The following LRP1B variants were observed in gnomAD, a reference collection of about 807,000 sequenced individuals.
LRP1B encodes the protein LDL receptor related protein 1B.
LRP1B carries 217 observed loss-of-function variants against 556.6 expected under a neutral mutation model. The observed-to-expected ratio is 0.39, with a 90% CI of 0.35 to 0.44. The LOEUF (loss-of-function observed/expected upper bound fraction) is 0.44. LRP1B is among the 20% of genes least tolerant of loss of function. LRP1B has a pLI of 1.00. For synonymous variants in LRP1B, 2,047 were observed against 1,865.8 expected (o/e 1.10, Z -2.50); for missense variants, 5,053 against 5,620.8 (o/e 0.90, Z 3.23).
intron 86 of LRP1B, among the ~76,000 whole-genome samples, chr2:140,252,387 A>G (rs1032597008): frequency 6.6e-5 from 10 of 151,990 alleles, no homozygotes; most frequent in Non-Finnish European, 1.5e-4. Flanking sequence ...CTTTCATATA[A>G]AAATGTACTC....
intron 41 of LRP1B, among the ~76,000 whole-genome samples, chr2:140,651,713 C>T (rs1035394095): frequency 9.9e-5 from 15 of 151,904 alleles, no homozygotes; most frequent in Non-Finnish European, 1.8e-4. Context: ...AGAATAGTTG[C>T]AGTAGATGAG....
intron 1 of LRP1B, among the ~76,000 whole-genome samples, chr2:142,061,816 T>TA (rs1393895344): frequency 6.6e-6 from 1 of 151,982 alleles, no homozygotes; most frequent in East Asian, 1.9e-4. Context: ...TTTCACCTCT[T>TA]AAAAACATTC....
At chr2:141,813,908 G>C (rs113882140) in intron 1 of LRP1B, among the ~76,000 whole-genome samples, 1 of 152,138 alleles carries the variant, frequency 6.6e-6, no homozygotes, top group Admixed American at 6.5e-5. Context: ...TGTGGGGCTA[G>C]GTTTGGGGTT....
intron 3 of LRP1B, among the ~76,000 whole-genome samples, chr2:141,401,988 A>G (rs1690467838): frequency 6.6e-6 from 1 of 152,130 alleles, no homozygotes; most frequent in African/African-American, 2.4e-5. Flanking sequence ...TTTGTATTTT[A>G]GTTTTTAGGG....
chr2:140,322,233 CA>C (rs1680180703), intron 81 of LRP1B, 145 bp from the exon 82 acceptor site: 1 of 722,364 alleles, frequency 1.4e-6, no homozygotes, highest in Admixed American at 3.1e-5. Context: ...GTATCTCACT[CA>C]ATATCATCAT....
In LRP1B at chr2:141,544,364, C is replaced by CTT. The variant is rs1244194583; in HGVS notation, c.206-63833_206-63832dup. Among the ~76,000 whole-genome samples, 134 of 104,584 alleles carry CTT rather than the reference C, an allele frequency of 1.3e-3. 1 individual carries two copies. Among genetic ancestry groups the CTT allele is most frequent in the Non-Finnish European group, 1.4e-3 (71 of 49,178 alleles). The allele number at this position is 104,584 out of a possible 152,430, so 68.6% of individuals were successfully genotyped here. On this transcript the variant is annotated intron_variant, in intron 2 of 90. Coordinates refer to ENST00000389484, the MANE Select transcript of LRP1B (RefSeq NM_018557.3). ...TCTTCTTCTTCTTCTTCTTCTTCTTCTTCTTCTTCTTCTTCTTCTCCTCCT... is the reference window on the plus strand; with the variant it reads ...TCTTCTTCTTCTTCTTCTTCTTCTTCTTTTCTTCTTCTTCTTCTTCTCCTCCT...
chr2:140,580,938 T>C (rs940472899), intron 43 of LRP1B, among the ~76,000 whole-genome samples: 2 of 152,178 alleles, frequency 1.3e-5, no homozygotes, highest in African/African-American at 4.8e-5. Flanking sequence ...AAATAAAATA[T>C]TGTGAAGCCC....
chr2:141,323,761 G>A (rs1463827953), intron 3 of LRP1B, among the ~76,000 whole-genome samples: 1 of 151,980 alleles, frequency 6.6e-6, no homozygotes, highest in East Asian at 1.9e-4. Flanking sequence ...TTCTGGTCCA[G>A]TGGAGCATTA....
chr2:140,522,493 A>C (rs1690224046), intron 49 of LRP1B, among the ~76,000 whole-genome samples: 1 of 151,936 alleles, frequency 6.6e-6, no homozygotes, highest in Non-Finnish European at 1.5e-5. Context: ...TCAAATAACA[A>C]TCTGACTGCA....
intron 31 of LRP1B, among the ~76,000 whole-genome samples, chr2:140,837,541 A>C (rs6750270): frequency 1.3e-5 from 2 of 151,986 alleles, no homozygotes; most frequent in African/African-American, 4.8e-5. Context: ...AAAATTTTCA[A>C]ATATAATTAC....
At chr2:141,028,676 A>G (rs1698282890) in intron 11 of LRP1B, among the ~76,000 whole-genome samples, 1 of 152,124 alleles carries the variant, frequency 6.6e-6, no homozygotes, top group African/African-American at 2.4e-5. Context: ...AAAAATCATC[A>G]TTCTTTAATG....
intron 2 of LRP1B, among the ~76,000 whole-genome samples, chr2:141,544,773 C>T (rs1481237688): frequency 5.9e-5 from 9 of 151,954 alleles, no homozygotes; most frequent in Admixed American, 3.9e-4. Context: ...TCAAGCAATC[C>T]TCCCACCTCA....
chr2:140,276,060 CTT>C (rs1383032271), intron 84 of LRP1B, among the ~76,000 whole-genome samples: 5 of 151,902 alleles, frequency 3.3e-5, no homozygotes, highest in Admixed American at 1.3e-4. Flanking sequence ...TGATTCCAGA[CTT>C]TGTGTTTAGA....
chr2:140,696,590 C>T (rs1686437570), intron 41 of LRP1B, among the ~76,000 whole-genome samples: 1 of 152,064 alleles, frequency 6.6e-6, no homozygotes, highest in African/African-American at 2.4e-5. Context: ...GAGTACTGGT[C>T]CATGGCTTGT....
At chr2:142,065,951 C>T (rs1290417655) in intron 1 of LRP1B, among the ~76,000 whole-genome samples, 2 of 151,406 alleles carry the variant, frequency 1.3e-5, no homozygotes, top group South Asian at 4.2e-4. Context: ...TCTGTGGGTT[C>T]ATGAAATCCC....
rs201093074 is a variant in LRP1B, at chr2:141,062,147, G to C, written c.1140C>G (p.Val380=). ...GATCTACCCAGTAAACCAATTTGTT[G>C]ACTAGGTCTAGTGCCAGTGCAGCTG... ...EQPAALALDL[V]NKLVYWVDLY... Residue 380 remains valine (V), a synonymous_variant, in exon 8 of 91, where the codon GTC becomes GTG. Coordinates refer to ENST00000389484, the MANE Select transcript of LRP1B (RefSeq NM_018557.3). The C allele has an allele frequency of 6.8e-6, 11 of 1,612,032 alleles. No individual in the cohort carries two copies. The African/African-American group carries it at 1.3e-4, about 20-fold the overall frequency.
At chr2:140,987,040 T>A (rs535052035) in intron 17 of LRP1B, among the ~76,000 whole-genome samples, 1 of 152,284 alleles carries the variant, frequency 6.6e-6, no homozygotes, top group South Asian at 2.1e-4. Flanking sequence ...AGAAATATGG[T>A]CTACATAAAT....
intron 2 of LRP1B, among the ~76,000 whole-genome samples, chr2:141,797,220 T>G (rs1279658286): frequency 7.0e-6 from 1 of 143,296 alleles, no homozygotes; most frequent in East Asian, 2.0e-4. Context: ...TCAAGTGCTC[T>G]GCATCATATC....
At chr2:140,605,546 T>G (rs990215535) in intron 41 of LRP1B, among the ~76,000 whole-genome samples, 8 of 96,636 alleles carry the variant, frequency 8.3e-5, no homozygotes, top group Non-Finnish European at 1.5e-4. Context: ...TTCTTTCCTT[T>G]TCTTTATTTT....
Sources: gnomAD v4.1 joint callset for allele counts (sites outside exome capture counted in the v4.1 genomes callset) on GRCh38, gnomAD v4.1.1 for gene constraint, MANE v1.5 for transcripts, NCBI Gene and HGNC (gene_info 2026-07-23, HGNC 2026-07-21) for gene names.